The following ECPAS variants were observed in gnomAD, a reference collection of about 807,000 sequenced individuals.
ECPAS encodes the protein proteasome adapter and scaffold protein ECM29.
ECPAS carries 70 observed loss-of-function variants against 255.1 expected under a neutral mutation model. The ratio of observed to expected loss-of-function variants is 0.27; its 90% CI spans 0.23 to 0.33. The LOEUF (loss-of-function observed/expected upper bound fraction) is 0.33. Among genes scored for constraint, ECPAS ranks in the 10% least tolerant of loss-of-function variants. The probability of loss-of-function intolerance (pLI) is 1.00; values close to 1 mark genes in which losing one functional copy is unlikely to be tolerated. For missense variants in ECPAS, 1,817 were observed against 2,206.4 expected (o/e 0.82, Z 3.54); for synonymous variants, 784 against 775.0 (o/e 1.01, Z -0.19).
At position 111,414,515 on chromosome 9, in the gene ECPAS, G is replaced by A. The variant is rs1589164191; in HGVS notation, c.1901C>T (p.Ala634Val). The A allele has an allele frequency of 6.2e-7, 1 of 1,613,884 alleles. No individual in the cohort carries two copies. ...IRTLMSSGQM[A>V]PSSSNKSGET... is the part of the protein sequence containing the mutation. ...CCCACTCTTGTTAGATGATGAGGGT[G>A]CCATCTGCCCGCTTGACATTAAAGT... Residue 634 changes from alanine to valine, a missense_variant, in exon 19 of 50, where the codon GCA (alanine) becomes GTA (valine). Around this residue, in one of 4 missense-constraint regions of ECPAS, gnomAD observed 573 missense variants for 716.2 expected, o/e 0.80. Coordinates refer to ENST00000684092, the MANE Select transcript of ECPAS (RefSeq NM_001364929.1).
intron 24 of ECPAS, among the ~76,000 whole-genome samples, chr9:111,406,384 A>G (rs1400777675): frequency 1.3e-5 from 2 of 149,658 alleles, no homozygotes; most frequent in African/African-American, 5.1e-5. Context: ...GGGGAAAGAG[A>G]GCTTGGCTAA....
rs752363956 is a variant in ECPAS at position 111,394,147 on chromosome 9, C to T, written c.2922+13G>A. The T allele has an allele frequency of 5.6e-6, 9 of 1,594,268 alleles. No homozygotes were observed. Among genetic ancestry groups the T allele is most frequent in the Non-Finnish European group, 7.7e-6 (9 of 1,172,386 alleles). On this transcript the variant is annotated intron_variant, in intron 26 of 49. Coordinates refer to ENST00000684092, the MANE Select transcript of ECPAS (RefSeq NM_001364929.1). Reference sequence around the variant, plus strand: ...GGTTTCCAACAGGGCTGACCACATACAGCATGGCTCACCTTCACTTCTTTG... The same window carrying T: ...GGTTTCCAACAGGGCTGACCACATATAGCATGGCTCACCTTCACTTCTTTG...
chr9:111,474,933 C>T (rs1024601707), intron 1 of ECPAS, among the ~76,000 whole-genome samples: 1 of 152,188 alleles, frequency 6.6e-6, no homozygotes, highest in Non-Finnish European at 1.5e-5. Context: ...CAGTACTTCA[C>T]ACAGCCGTAG....
At chr9:111,481,909 G>GA (rs1282195871) in intron 1 of ECPAS, among the ~76,000 whole-genome samples, 1 of 152,234 alleles carries the variant, frequency 6.6e-6, no homozygotes, top group African/African-American at 2.4e-5. Flanking sequence ...CACAGGGACA[G>GA]AAAGTACAAT....
chr9:111,408,538 G>T, intron 24 of ECPAS, 33 bp downstream of exon 24: 5 of 1,285,496 alleles, frequency 3.9e-6, no homozygotes, highest in Non-Finnish European at 5.3e-6. Context: ...CCTTTTCTCT[G>T]AATAACTAAC....
In ECPAS at chr9:111,373,229, C is replaced by G. The variant is rs1025797557; in HGVS notation, c.4277G>C (p.Arg1426Pro). Residue 1426 changes from arginine (R) to proline (P), a missense_variant, in exon 41 of 50, where the codon CGG (arginine) becomes CCG (proline). Around this residue, in one of 4 missense-constraint regions of ECPAS, gnomAD observed 960 missense variants for 1,179.0 expected, o/e 0.81. Transcript: ENST00000684092. ...CAGGAGTTTTTCAGTGCTGCTATCC[C>G]GTGAGGTCTGAAAAAGAAACAATCC... ...FAMGHLVRTSRDSSTEKLLQK... is the reference protein window; with the variant it reads ...FAMGHLVRTSPDSSTEKLLQK... 14 of 1,613,564 alleles carry G rather than the reference C, an allele frequency of 8.7e-6. No homozygotes were observed. The highest frequency in any genetic ancestry group is 1.3e-5 in the African/African-American group (1 of 74,886).
chr9:111,383,968 T>TAGTATC, intron 34 of ECPAS, among the ~76,000 whole-genome samples: 1 of 150,972 alleles, frequency 6.6e-6, no homozygotes, highest in East Asian at 1.9e-4. Flanking sequence ...TTTGAAGTGT[T>TAGTATC]ATCATCATCA....
chr9:111,404,572 T>C (rs1041490067), intron 24 of ECPAS, among the ~76,000 whole-genome samples: 1 of 149,142 alleles, frequency 6.7e-6, no homozygotes, highest in East Asian at 2.0e-4. Flanking sequence ...CCCGCTTTGT[T>C]ATTTTTCTCC....
chr9:111,366,659 G>A lies in ECPAS; in HGVS notation c.5114-32C>T, dbSNP rs1481874258. 3 of 1,400,790 alleles carry A rather than the reference G, an allele frequency of 2.1e-6. No homozygotes were observed. In the South Asian group the frequency reaches 3.5e-5, roughly 16 times the overall value. The allele number at this position is 1,400,790 out of a possible 1,614,324, so 86.8% of individuals were successfully genotyped here. The stretch of plus-strand genomic sequence containing the variant: ...AAAAAAGACAAGGTGGGACAGAGCA[G>A]GAGACAGTATAAAAGAACAAGAGAT... On this transcript the variant is annotated intron_variant, in intron 46 of 49. Transcript: ENST00000684092.
At chr9:111,444,248 A>C (rs1368792398) in intron 4 of ECPAS, 130 bp downstream of exon 4, 7 of 605,144 alleles carry the variant, frequency 1.2e-5, no homozygotes, top group South Asian at 2.4e-5. Context: ...TAAAAAAAAA[A>C]AAAACTCATG....
At chr9:111,393,578 A>C in intron 27 of ECPAS, 102 bp downstream of exon 27, 1 of 781,064 alleles carries the variant, frequency 1.3e-6, no homozygotes, top group Non-Finnish European at 2.1e-6. Flanking sequence ...TGTTTTAATC[A>C]CACAGCTCAA....
intron 29 of ECPAS, among the ~76,000 whole-genome samples, chr9:111,390,900 T>C (rs1421173097): frequency 6.6e-6 from 1 of 152,208 alleles, no homozygotes; most frequent in Non-Finnish European, 1.5e-5. Context: ...TGGGTGCACC[T>C]AGCTATGCTT....
At chr9:111,376,627 A>G (rs1390890778) in intron 36 of ECPAS, 86 bp from the exon 37 acceptor site, 1 of 976,188 alleles carries the variant, frequency 1.0e-6, no homozygotes, top group Non-Finnish European at 1.6e-6. Context: ...TTTCACTTCC[A>G]AGCTAAAGAA....
chr9:111,406,848 G>A lies in ECPAS; in HGVS notation c.2652+1723C>T, dbSNP rs1300206313. Among the ~76,000 whole-genome samples the A allele has an allele frequency of 1.3e-5, 2 of 149,016 alleles. 1 individual carries two copies. The highest frequency in any genetic ancestry group is 5.1e-5 in the African/African-American group (2 of 38,976). ...AGCCTGGGAGATGTAATGTACTCCA[G>A]CCTTGGTGAGAGAATGAGATCCTAT... is the stretch of plus-strand genomic sequence containing the variant. On this transcript the variant is annotated intron_variant, in intron 24 of 49. Transcript: ENST00000684092.
chr9:111,395,666 A>C (rs1243758320), intron 25 of ECPAS, among the ~76,000 whole-genome samples: 1 of 152,146 alleles, frequency 6.6e-6, no homozygotes, highest in Non-Finnish European at 1.5e-5. Context: ...TGCTTAAGTC[A>C]CTAGGTAAAA....
At chr9:111,447,209 C>T (rs184517657) in intron 3 of ECPAS, among the ~76,000 whole-genome samples, 57 of 152,004 alleles carry the variant, frequency 3.7e-4, no homozygotes, top group African/African-American at 1.1e-3. Context: ...ACTGCAGCCT[C>T]GAACTCCTAG....
chr9:111,383,794 C>T (rs1360386460), intron 34 of ECPAS, among the ~76,000 whole-genome samples: 1 of 152,062 alleles, frequency 6.6e-6, no homozygotes, highest in Non-Finnish European at 1.5e-5. Flanking sequence ...TGGTGGCATA[C>T]ACCTGTGGTC....
intron 49 of ECPAS, 54 bp from the exon 50 acceptor site, chr9:111,362,223 A>G (rs2098114411): frequency 7.0e-7 from 1 of 1,433,086 alleles, no homozygotes; most frequent in South Asian, 1.3e-5. Flanking sequence ...AAGCAAAAAG[A>G]AAAAACCCCA....
At chr9:111,374,078 AC>A in intron 38 of ECPAS, 40 bp from the exon 39 acceptor site, 1 of 1,482,970 alleles carries the variant, frequency 6.7e-7, no homozygotes, top group Non-Finnish European at 9.4e-7. Flanking sequence ...TCTGATGGTC[AC>A]AATGTTCTAC....
Sources: gnomAD v4.1 joint callset for allele counts (sites outside exome capture counted in the v4.1 genomes callset) on GRCh38, gnomAD v4.1.1 for gene constraint, gnomAD v4.1.1 regional missense constraint, MANE v1.5 for transcripts, NCBI Gene and HGNC (gene_info 2026-07-23, HGNC 2026-07-21) for gene names.